Variants in FAM78B observed in about 807,000 individuals in gnomAD.
FAM78B encodes family with sequence similarity 78 member B, also known as protein FAM78B.
In FAM78B, 10 loss-of-function variants were observed where a neutral mutation model predicts 20.0. That is an observed-to-expected ratio of 0.50 (90% CI 0.31 to 0.85). The LOEUF (loss-of-function observed/expected upper bound fraction) is 0.85, where lower values mean the gene tolerates loss of function less well. Among genes scored for constraint, FAM78B ranks in the 40% least tolerant of loss-of-function variants. FAM78B has a pLI of 0.05. For synonymous variants in FAM78B, 135 were observed against 132.8 expected (o/e 1.02, Z -0.12); for missense variants, 283 against 345.0 (o/e 0.82, Z 1.42).
Position 166,062,416 on chromosome 1 carries a change from G to A in FAM78B, c.*410-1753C>T, listed in dbSNP as rs566861723. On this transcript the variant is annotated intron_variant and NMD_transcript_variant, in intron 2 of 2. Transcript: ENST00000435676. ...TTGGAATCCAACTGAGTTTAAAGCT[G>A]CTTATTCTTTCACAGCAAATGCCGT... Among the ~76,000 whole-genome samples the A allele has an allele frequency of 5.2e-5, 8 of 152,386 alleles. No homozygotes were observed. The South Asian group carries it at 1.7e-3, about 32-fold the overall frequency.
At chr1:166,065,592 G>C (rs1378939172), downstream of FAM78B, among the ~76,000 whole-genome samples, 1 of 152,172 alleles carries the variant, frequency 6.6e-6, no homozygotes, top group Non-Finnish European at 1.5e-5. Context: ...TAAGGTTGGT[G>C]ATGGGCTCTG....
At chr1:166,148,983 T>G (rs1357042762) in intron 1 of FAM78B, among the ~76,000 whole-genome samples, 5 of 152,222 alleles carry the variant, frequency 3.3e-5, no homozygotes, top group Non-Finnish European at 5.9e-5. Context: ...CTCATCATTT[T>G]TTATGGCTGC....
intron 1 of FAM78B, among the ~76,000 whole-genome samples, chr1:166,127,467 T>C (rs983248484): frequency 3.8e-4 from 58 of 152,320 alleles, no homozygotes; most frequent in South Asian, 2.5e-3. Context: ...TCCAGGGGAC[T>C]CAGGATCTGG....
chr1:166,080,034 CTTT>C (rs1652501833), intron 1 of FAM78B, among the ~76,000 whole-genome samples: 1 of 152,158 alleles, frequency 6.6e-6, no homozygotes, highest in Non-Finnish European at 1.5e-5. Context: ...AGGTGGGCAT[CTTT>C]CTATTTTCCA....
At chr1:166,109,806 GTATATATGTATATATA>G (rs1653925841) in intron 1 of FAM78B, among the ~76,000 whole-genome samples, 2 of 34,426 alleles carry the variant, frequency 5.8e-5, no homozygotes, top group South Asian at 1.2e-3. Context: ...TGATATATAT[GTATATATGTATATATA>G]TATATATATG....
chr1:166,122,864 T>A (rs1654510747), intron 1 of FAM78B, among the ~76,000 whole-genome samples: 1 of 152,238 alleles, frequency 6.6e-6, no homozygotes, highest in Non-Finnish European at 1.5e-5. Flanking sequence ...TGGAAGCCTC[T>A]GTTTTCAGGT....
rs1268640201 is a variant in FAM78B, at chr1:166,075,414, T to G, written c.264-4651A>C. Among the ~76,000 whole-genome samples the G allele has an allele frequency of 3.9e-5, 6 of 152,266 alleles. No homozygotes were observed. In the East Asian group the frequency reaches 1.2e-3, roughly 29 times the overall value. ...AAAAGAATCACTCAGAAGAGGCAAGTATGGCTGATTGTGTGTGTGTGTGTA... is the reference window on the plus strand; with the variant it reads ...AAAAGAATCACTCAGAAGAGGCAAGGATGGCTGATTGTGTGTGTGTGTGTA... On this transcript the variant is annotated intron_variant, in intron 1 of 1. Transcript: ENST00000354422.
Position 166,070,753 on chromosome 1 carries a change from C to A in FAM78B, c.274G>T (p.Glu92Ter). The change falls in exon 2 of 2, where the codon GAA (glutamate) becomes TAA (stop). Residue 92 changes from glutamate (E) to a stop codon, truncating the protein, a stop_gained. Coordinates refer to ENST00000354422, the MANE Select transcript of FAM78B (RefSeq NM_001017961.5). LOFTEE classifies it high-confidence loss of function. ...TYSDLGMSSW[E>*]LPDLREGRVK... ...CTCCCTTCCCTCAAGTCAGGCAGTT[C>A]CCAGCTTGACCTGGCAAAGCAGAAG... The A allele has an allele frequency of 6.4e-7, 1 of 1,554,178 alleles. No individual in the cohort carries two copies.
In FAM78B at chr1:166,151,414, G is replaced by A. The variant is rs142759949; in HGVS notation, c.263+14572C>T. 1.2e-4 allele frequency among the ~76,000 whole-genome samples: 18 copies of A among 152,272 alleles called. No homozygotes were observed. The South Asian group carries it at 1.2e-3, about 11-fold the overall frequency. ...CTAATTCTGATGACCAGACGTTTCA[G>A]GAAGCACCAGATGTTGAAGGTAAAT... On this transcript the variant is annotated intron_variant, in intron 1 of 1. Transcript: ENST00000354422.
In FAM78B at chr1:166,069,427, AAGTT is replaced by A. The variant is rs375646524; in HGVS notation, c.*810_*813del. ...AGAATAAGCAGCTGTAAACAAAATC[AAGTT>A]AGTTAGGATTTCACTAAAACATGGA... On this transcript the variant is annotated 3_prime_UTR_variant, in exon 2 of 2. Coordinates refer to ENST00000354422, the MANE Select transcript of FAM78B (RefSeq NM_001017961.5). The A allele has an allele frequency of 1.2e-4, 19 of 152,346 alleles. No individual in the cohort carries two copies. The South Asian group carries it at 3.9e-3, about 32-fold the overall frequency. The allele number at this position is 152,346 out of a possible 1,614,324, so 9.4% of individuals were successfully genotyped here. A position where few individuals can be genotyped will look rare whatever the true frequency, so the allele number is the denominator to read the frequency against.
intron 1 of FAM78B, among the ~76,000 whole-genome samples, chr1:166,097,115 G>A (rs1050646332): frequency 3.9e-5 from 6 of 152,204 alleles, no homozygotes; most frequent in Admixed American, 3.9e-4. Flanking sequence ...AGAAGCTGAA[G>A]GTCTGTTTGT....
chr1:166,080,350 T>C (rs536949631), intron 1 of FAM78B, among the ~76,000 whole-genome samples: 2 of 151,226 alleles, frequency 1.3e-5, no homozygotes, highest in East Asian at 3.9e-4. Context: ...CCCACCACCA[T>C]GTCTCCAAAA....
chr1:166,126,214 A>C (rs1487288650), intron 1 of FAM78B, among the ~76,000 whole-genome samples: 1 of 152,100 alleles, frequency 6.6e-6, no homozygotes, highest in Non-Finnish European at 1.5e-5. Flanking sequence ...CAATGGATAC[A>C]GAGGGCTGAC....
chr1:166,058,032 A>G (rs879919302), exon 3 of FAM78B: 2 of 151,464 alleles, frequency 1.3e-5, no homozygotes, highest in Non-Finnish European at 2.9e-5. Flanking sequence ...TGGAGGGTAT[A>G]ATGTAGGCAA....
At chr1:166,143,924 G>A (rs779056067) in intron 1 of FAM78B, among the ~76,000 whole-genome samples, 10 of 152,126 alleles carry the variant, frequency 6.6e-5, no homozygotes, top group Non-Finnish European at 1.2e-4. Context: ...GGGGCAGGAT[G>A]GGGAGGGAAT....
chr1:166,104,726 C>A (rs865993626), intron 1 of FAM78B, among the ~76,000 whole-genome samples: 5 of 152,286 alleles, frequency 3.3e-5, no homozygotes, highest in Middle Eastern at 3.4e-3. Flanking sequence ...AATGGAAGAA[C>A]ATTCCATGCT....
chr1:166,157,376 T>G (rs886989775), intron 1 of FAM78B, among the ~76,000 whole-genome samples: 1 of 151,344 alleles, frequency 6.6e-6, no homozygotes, highest in African/African-American at 2.4e-5. Flanking sequence ...TGTCCATTTA[T>G]GTACAGGCAA....
Position 166,152,250 on chromosome 1 carries a change from G to A in FAM78B, c.263+13736C>T, listed in dbSNP as rs554041950. Among the ~76,000 whole-genome samples, 25 of 152,276 alleles carry A rather than the reference G, an allele frequency of 1.6e-4. No homozygotes were observed. In the South Asian group the frequency reaches 4.8e-3, roughly 29 times the overall value. ...AGGGAGCTTTGCAGCAGAGAAGCCC[G>A]TGGTGGTTGTTGTTCTCAGGTGTCA... On this transcript the variant is annotated intron_variant, in intron 1 of 1. Coordinates refer to ENST00000354422, the MANE Select transcript of FAM78B (RefSeq NM_001017961.5).
intron 1 of FAM78B, among the ~76,000 whole-genome samples, chr1:166,133,504 T>C (rs1654954397): frequency 6.6e-6 from 1 of 151,260 alleles, no homozygotes; most frequent in African/African-American, 2.4e-5. Context: ...GTGGGGATCT[T>C]TCTGCAAATC....
Sources: gnomAD v4.1 joint callset for allele counts (sites outside exome capture counted in the v4.1 genomes callset) on GRCh38, gnomAD v4.1.1 for gene constraint, MANE v1.5 for transcripts, NCBI Gene and HGNC (gene_info 2026-07-23, HGNC 2026-07-21) for gene names.